The following RASAL3 variants were observed in gnomAD, a reference collection of about 807,000 sequenced individuals.
RASAL3 encodes RAS protein activator like-3.
Under a neutral mutation model 105.5 loss-of-function variants are expected in RASAL3, and 74 were observed. The observed-to-expected ratio is 0.70, with a 90% CI of 0.58 to 0.85. The LOEUF (loss-of-function observed/expected upper bound fraction) is 0.85. Among genes scored for constraint, RASAL3 ranks in the 40% least tolerant of loss-of-function variants. The pLI is 0.00. For synonymous variants in RASAL3, 579 were observed against 591.6 expected, an observed-to-expected ratio of 0.98 and a Z score of 0.31; for missense variants, 1,352 against 1,392.0, an observed-to-expected ratio of 0.97 and a Z score of 0.46.
chr19:15,460,059 T>C, intron 6 of RASAL3, 144 bp downstream of exon 6: 1 of 691,754 alleles, frequency 1.4e-6, no homozygotes, highest in Non-Finnish European at 2.4e-6. Flanking sequence ...GCTAGATCAT[T>C]CAATGTCCCC....
At position 15,453,411 on chromosome 19, in the gene RASAL3, C is replaced by T; in HGVS notation, c.2366G>A (p.Arg789His). The T allele has an allele frequency of 6.6e-7, 1 of 1,517,100 alleles. No individual in the cohort carries two copies. Among genetic ancestry groups the T allele is most frequent in the Non-Finnish European group, 8.7e-7 (1 of 1,143,948 alleles). The allele number at this position is 1,517,100 out of a possible 1,614,324, so 94.0% of individuals were successfully genotyped here. A position where few individuals can be genotyped will look rare whatever the true frequency, so the allele number is the denominator to read the frequency against. The stretch of plus-strand genomic sequence containing the variant: ...CCAACTCTCTGAGCGGCGAACGCTG[C>T]GCAGAGACTGGCTCTTGGAGATGAG... ...TPLISKSQSL[R>H]SVRRSESWAR... The change falls in exon 15 of 18, where the codon CGC (arginine) becomes CAC (histidine). Residue 789 changes from arginine (R) to histidine (H), a missense_variant. By Grantham distance (29) the Arg-to-His change is conservative (BLOSUM62 0). This residue lies in a region of RASAL3 where 920 missense variants were observed against 919.6 expected (regional missense o/e 1.00). Coordinates refer to ENST00000343625, the MANE Select transcript of RASAL3 (RefSeq NM_022904.3). This position sits in a 1 kb window ranked among gnomAD's most constrained non-coding sequence, Gnocchi z 4.2.
chr19:15,458,761 C>A (rs1212834039), intron 6 of RASAL3, 106 bp from the exon 7 acceptor site: 26 of 1,418,608 alleles, frequency 1.8e-5, no homozygotes, highest in Non-Finnish European at 2.3e-5. Context: ...AATTCGGATC[C>A]CGTTTCTCCC....
chr19:15,452,121 G>A lies in RASAL3; in HGVS notation c.2829-13C>T, dbSNP rs1970169721. ...AAACTCTGAGCTCCTGTGGGGGTCG[G>A]GGGATTGGGGCGAAGGGCAGAGGCT... On this transcript the variant is annotated splice_polypyrimidine_tract_variant and intron_variant, in intron 16 of 17. Transcript: ENST00000343625. 1 of 1,613,678 alleles carries A rather than the reference G, an allele frequency of 6.2e-7. No individual in the cohort carries two copies. The highest frequency in any genetic ancestry group is 1.1e-5 in the South Asian group (1 of 91,068).
Position 15,457,457 on chromosome 19 carries a change from A to G in RASAL3, c.1266T>C (p.Arg422=). ...GCTCGGACGGCAGCACGCGCAGGCG[A>G]CGCGCCCGAATCCGCGCCCGCAGCG... is the stretch of plus-strand genomic sequence containing the variant. ...GAALRARIRA[R]RLRVLPSERY... The change falls in exon 9 of 18, where the codon CGT becomes CGC. Residue 422 remains arginine, a synonymous_variant. Transcript: ENST00000343625. The surrounding 1 kb of genome is among the most constrained non-coding windows in gnomAD (Gnocchi z 8.6). The G allele has an allele frequency of 7.2e-7, 1 of 1,388,330 alleles. No homozygotes were observed. Among genetic ancestry groups the G allele is most frequent in the East Asian group, 3.6e-5 (1 of 27,968 alleles). The allele number at this position is 1,388,330 out of a possible 1,614,324, so 86.0% of individuals were successfully genotyped here.
Position 15,457,765 on chromosome 19 carries a change from C to G in RASAL3, c.958G>C (p.Ala320Pro). 2 of 1,546,594 alleles carry G rather than the reference C, an allele frequency of 1.3e-6. No homozygotes were observed. Among genetic ancestry groups the G allele is most frequent in the South Asian group, 2.4e-5 (2 of 83,888 alleles). ...GCGCGCACGCCGGGTGCCCCCGCCG[C>G]TGCTCGGGGAAGCCCCTTCGCTTCG... ...VHEAKGLPRA[A>P]AGAPGVRAEL... Residue 320 changes from alanine (A) to proline (P), a missense_variant, in exon 9 of 18, where the codon GCG becomes CCG. Physicochemically the swap from Ala to Pro is conservative, Grantham distance 27. Coordinates refer to ENST00000343625, the MANE Select transcript of RASAL3 (RefSeq NM_022904.3). The surrounding 1 kb of genome is among the most constrained non-coding windows in gnomAD (Gnocchi z 8.6).
rs895804596 is a variant in RASAL3 at position 15,456,644 on chromosome 19, C to A, written c.1434G>T (p.Ala478=). 1 of 1,611,618 alleles carries A rather than the reference C, an allele frequency of 6.2e-7. No individual in the cohort carries two copies. Among genetic ancestry groups the A allele is most frequent in the Non-Finnish European group, 8.5e-7 (1 of 1,179,330 alleles). ...RVLRATGRAQ[A]LVTDLGTAEL... ...CCGCAGTGCCCAGGTCAGTCACCAGCGCCTAGGAAGGGCAGGAGGTCAGGT... is the reference window on the plus strand; with the variant it reads ...CCGCAGTGCCCAGGTCAGTCACCAGAGCCTAGGAAGGGCAGGAGGTCAGGT... Residue 478 remains alanine, a splice_region_variant and synonymous_variant, in exon 10 of 18, where the codon GCG becomes GCT. Coordinates refer to ENST00000343625, the MANE Select transcript of RASAL3 (RefSeq NM_022904.3). This position sits in a 1 kb window ranked among gnomAD's most constrained non-coding sequence, Gnocchi z 4.4.
intron 5 of RASAL3, 53 bp from the exon 6 acceptor site, chr19:15,460,311 C>T: frequency 6.5e-7 from 1 of 1,535,966 alleles, no homozygotes; most frequent in Non-Finnish European, 8.9e-7. Context: ...TTCCTCAGCT[C>T]CTTCCCTCCC....
chr19:15,451,811 T>C lies in RASAL3; in HGVS notation c.3020A>G (p.Asn1007Ser), dbSNP rs1031624774. 2 of 1,598,894 alleles carry C rather than the reference T, an allele frequency of 1.3e-6. No individual in the cohort carries two copies. Among genetic ancestry groups the C allele is most frequent in the Non-Finnish European group, 1.7e-6 (2 of 1,168,908 alleles). The change falls in exon 18 of 18, where the codon AAT becomes AGT. Residue 1007 changes from asparagine (N) to serine (S), a missense_variant. Around this residue, in one of 3 missense-constraint regions of RASAL3, gnomAD observed 920 missense variants for 919.6 expected, o/e 1.00. Transcript: ENST00000343625. ...QPQPLKAPCL[N>S]GDTT is the part of the protein sequence containing the mutation. ...ATGGGCAGCTCAGGTGGTGTCTCCA[T>C]TGAGGCAGGGTGCTTTGAGGGGCTG...
intron 11 of RASAL3, 53 bp from the exon 12 acceptor site, chr19:15,454,946 G>T (rs1403784206): frequency 1.5e-6 from 2 of 1,376,446 alleles, no homozygotes; most frequent in Non-Finnish European, 2.0e-6. Flanking sequence ...GGGCATAAAG[G>T]TTAAAGTCAT....
At chr19:15,458,491 G>T in intron 7 of RASAL3, 38 bp downstream of exon 7, 1 of 1,613,672 alleles carries the variant, frequency 6.2e-7, no homozygotes, top group South Asian at 1.1e-5. Flanking sequence ...GTGGGAGGTG[G>T]GACTGAGGTG....
At chr19:15,462,891 C>G (rs1251512950) in intron 2 of RASAL3, among the ~76,000 whole-genome samples, 1 of 151,168 alleles carries the variant, frequency 6.6e-6, no homozygotes, top group Non-Finnish European at 1.5e-5. Flanking sequence ...GCGGAGCTTG[C>G]GGTGAGCCGA....
chr19:15,452,265 G>A, intron 16 of RASAL3, 157 bp from the exon 17 acceptor site: 8 of 705,670 alleles, frequency 1.1e-5, no homozygotes, highest in Middle Eastern at 3.8e-4. Context: ...AAGAAGGGTC[G>A]GACCAGAGAC....
At chr19:15,454,067 T>A in intron 14 of RASAL3, 82 bp downstream of exon 14, 1 of 1,009,548 alleles carries the variant, frequency 9.9e-7, no homozygotes, top group Non-Finnish European at 1.5e-6. Flanking sequence ...CTCACAATGA[T>A]CCAACTTCAC....
chr19:15,457,334 C>T lies in RASAL3; in HGVS notation c.1389G>A (p.Ala463=). ...CCCGCAGCACGCGCACCATGGCTGC[C>T]GCCAGCTCCTCCTTGGCCTGCGCAG... ...ALPAQAKEEL[A]AAMVRVLRAT... is the part of the protein sequence containing the mutation. Residue 463 remains alanine (A), a synonymous_variant, in exon 9 of 18, where the codon GCG becomes GCA. Transcript: ENST00000343625. The surrounding 1 kb of genome is among the most constrained non-coding windows in gnomAD (Gnocchi z 8.6). 7.3e-7 allele frequency: 1 copy of T among 1,376,118 alleles called. No individual in the cohort carries two copies. The highest frequency in any genetic ancestry group is 9.3e-7 in the Non-Finnish European group (1 of 1,071,320). The allele number at this position is 1,376,118 out of a possible 1,614,324, so 85.2% of individuals were successfully genotyped here. A position where few individuals can be genotyped will look rare whatever the true frequency, so the allele number is the denominator to read the frequency against.
rs758412497 is a variant in RASAL3, at chr19:15,456,234, G to A, written c.1591C>T (p.Arg531Cys). 1.9e-6 allele frequency: 3 copies of A among 1,613,572 alleles called. No homozygotes were observed. Among genetic ancestry groups the A allele is most frequent in the Non-Finnish European group, 2.5e-6 (3 of 1,179,760 alleles). ...LQETLGQVVR[R>C]LCASTEDCEV... is the part of the protein sequence containing the mutation. ...CAGTCCTCAGTAGAAGCACAGAGAC[G>A]CCGCACAACCTGTCCTGCAGCCCAG... Residue 531 changes from arginine (R) to cysteine (C), a missense_variant, in exon 11 of 18, where the codon CGT becomes TGT. By Grantham distance (180) the Arg-to-Cys change is radical. This residue lies in a region of RASAL3 where 920 missense variants were observed against 919.6 expected (regional missense o/e 1.00). Transcript: ENST00000343625. This position sits in a 1 kb window ranked among gnomAD's most constrained non-coding sequence, Gnocchi z 4.4.
chr19:15,460,478 T>G (rs1037179330), intron 5 of RASAL3, among the ~76,000 whole-genome samples: 1 of 152,110 alleles, frequency 6.6e-6, no homozygotes, highest in Non-Finnish European at 1.5e-5. Flanking sequence ...AGTACAGTGG[T>G]GCGATCATGG....
intron 14 of RASAL3, 127 bp downstream of exon 14, chr19:15,454,022 C>G: frequency 1.4e-6 from 1 of 697,584 alleles, no homozygotes; most frequent in Non-Finnish European, 2.4e-6. Flanking sequence ...TTTCTATAAC[C>G]TGTGATTCCC....
intron 5 of RASAL3, among the ~76,000 whole-genome samples, chr19:15,460,560 C>T (rs1970476516): frequency 6.6e-6 from 1 of 151,964 alleles, no homozygotes; most frequent in African/African-American, 2.4e-5. Context: ...TGAATGTTAC[C>T]ATGTAGAATT....
chr19:15,451,886 A>T lies in RASAL3; in HGVS notation c.2945T>A (p.Val982Asp). The change falls in exon 18 of 18, where the codon GTC becomes GAC. Residue 982 changes from valine (V) to aspartate (D), a missense_variant. Physicochemically the swap from Val to Asp is radical, Grantham distance 152. Around this residue, in one of 3 missense-constraint regions of RASAL3, gnomAD observed 920 missense variants for 919.6 expected, o/e 1.00. Coordinates refer to ENST00000343625, the MANE Select transcript of RASAL3 (RefSeq NM_022904.3). ...ERTQAQLRDA[V>D]QSLQLSPRTR... is the part of the protein sequence containing the mutation. ...CCTTGGAGAAAGCTGCAGGCTCTGG[A>T]CAGCATCCCTCAGCTGAGCCTGAGT... 1 of 1,609,552 alleles carries T rather than the reference A, an allele frequency of 6.2e-7. No individual in the cohort carries two copies.
Sources: allele counts gnomAD v4.1 joint callset (sites outside exome capture counted in the v4.1 genomes callset), GRCh38; gene constraint gnomAD v4.1.1; regional missense constraint gnomAD v4.1.1; non-coding constraint Gnocchi (gnomAD v3.1); transcripts MANE v1.5; gene names NCBI Gene and HGNC (gene_info 2026-07-23, HGNC 2026-07-21).